KAZALD1: variants seen among roughly 807,000 people sequenced by gnomAD.
The protein encoded by KAZALD1 is Kazal type serine peptidase inhibitor domain 1.
In KAZALD1, 31 loss-of-function variants were observed where a neutral mutation model predicts 27.7. The observed-to-expected ratio is 1.12, with a 90% CI of 0.84 to 1.51. The LOEUF (loss-of-function observed/expected upper bound fraction) is 1.51, where lower values mean the gene tolerates loss of function less well. Ranked by LOEUF, KAZALD1 falls within the 40% of genes most tolerant of loss-of-function variation. The pLI is 0.00. For synonymous variants in KAZALD1, 179 were observed against 182.0 expected (o/e 0.98, Z 0.13); for missense variants, 444 against 408.9 (o/e 1.09, Z -0.74).
chr10:101,064,079 A>G, intron 2 of KAZALD1, 182 bp from the exon 3 acceptor site: 3 of 642,254 alleles, frequency 4.7e-6, no homozygotes, highest in Non-Finnish European at 5.4e-6. Flanking sequence ...CCTTGTGTGT[A>G]CCAGCATCCA....
Position 101,062,566 on chromosome 10 carries a change from G to C in KAZALD1, c.-27G>C, listed in dbSNP as rs764587510. ...GGGTGCCCGAACGCGCTGATGCCCC[G>C]AGTGCTCGCAGGGCTTCCCGCTAAC... On this transcript the variant is annotated 5_prime_UTR_variant, in exon 2 of 5. Coordinates refer to ENST00000370200, the MANE Select transcript of KAZALD1 (RefSeq NM_030929.5). 3 of 1,576,524 alleles carry C rather than the reference G, an allele frequency of 1.9e-6. No homozygotes were observed. The South Asian group carries it at 3.4e-5, about 18-fold the overall frequency.
chr10:101,063,443 C>G (rs1470068732), intron 2 of KAZALD1, among the ~76,000 whole-genome samples: 1 of 152,180 alleles, frequency 6.6e-6, no homozygotes, highest in Non-Finnish European at 1.5e-5. Context: ...CCGACTTTTC[C>G]CAGACCAGTG....
rs1939283318 is a variant in KAZALD1, at chr10:101,064,972, T to C, written c.*52T>C. The stretch of plus-strand genomic sequence containing the variant: ...GGTGAGCGGCTATAGTGTTCATCCC[T>C]GCTCTTGAAAAGACCTGGAAAGGGG... On this transcript the variant is annotated 3_prime_UTR_variant, in exon 5 of 5. Transcript: ENST00000370200. The C allele has an allele frequency of 1.5e-6, 2 of 1,342,870 alleles. No individual in the cohort carries two copies. The highest frequency in any genetic ancestry group is 2.1e-6 in the Non-Finnish European group (2 of 936,332). The allele number at this position is 1,342,870 out of a possible 1,614,324, so 83.2% of individuals were successfully genotyped here.
At chr10:101,067,528 C>T (rs1414246028), downstream of KAZALD1, 33 of 355,922 alleles carry the variant, frequency 9.3e-5, no homozygotes, top group Admixed American at 1.2e-3. Flanking sequence ...CCGGGCTGGG[C>T]GTACCTCTCT....
intron 1 of KAZALD1, 61 bp from the exon 2 acceptor site, chr10:101,062,481 G>A (rs1943070383): frequency 6.8e-7 from 1 of 1,464,808 alleles, no homozygotes; most frequent in South Asian, 1.3e-5. Flanking sequence ...GAAGCAGTGA[G>A]GTTGGTCTTT....
chr10:101,063,794 C>G (rs552559207), intron 2 of KAZALD1, among the ~76,000 whole-genome samples: 2 of 152,226 alleles, frequency 1.3e-5, no homozygotes, highest in African/African-American at 4.8e-5. Flanking sequence ...TCTGCCTTGC[C>G]GCAGGACTCC....
rs1939301023 is a variant in KAZALD1, at chr10:101,065,627, T to C, written c.*707T>C. 6.6e-6 allele frequency: 1 copy of C among 152,300 alleles called. No homozygotes were observed. The highest frequency in any genetic ancestry group is 1.5e-5 in the Non-Finnish European group (1 of 68,144). The allele number at this position is 152,300 out of a possible 1,614,324, so 9.4% of individuals were successfully genotyped here. ...CAGATGTGCACATGAAAACTGAATA[T>C]CCCTGGGAGGCCTCCCACACTAACA... On this transcript the variant is annotated 3_prime_UTR_variant, in exon 5 of 5. Coordinates refer to ENST00000370200, the MANE Select transcript of KAZALD1 (RefSeq NM_030929.5).
downstream of KAZALD1, chr10:101,067,755 G>T (rs1939362796): frequency 2.7e-6 from 1 of 364,244 alleles, no homozygotes. Flanking sequence ...GGGGGTCGAT[G>T]TGCGGACTGG....
Position 101,064,246 on chromosome 10 carries a change from C to T in KAZALD1, c.512-15C>T, listed in dbSNP as rs200681574. ...TGGGCCATGCTATTCTCAGACCTCCCGCCTTCACCCCCAGGGCCCCAGATC... is the reference window on the plus strand; with the variant it reads ...TGGGCCATGCTATTCTCAGACCTCCTGCCTTCACCCCCAGGGCCCCAGATC... On this transcript the variant is annotated splice_polypyrimidine_tract_variant and intron_variant, in intron 2 of 4. Transcript: ENST00000370200. 2.4e-5 allele frequency: 39 copies of T among 1,613,744 alleles called. No individual in the cohort carries two copies. Among genetic ancestry groups the T allele is most frequent in the African/African-American group, 8.0e-5 (6 of 74,916 alleles).
Position 101,062,784 on chromosome 10 carries a change from G to A in KAZALD1, c.192G>A (p.Pro64=), listed in dbSNP as rs1429090039. Reference sequence around the variant, plus strand: ...GCCGGCCAGAAGAGTGCGCCGCGCCGCGGGGCTGCCTGGCGGGCAGGGTGC... The same window carrying A: ...GCCGGCCAGAAGAGTGCGCCGCGCCACGGGGCTGCCTGGCGGGCAGGGTGC... The part of the protein sequence containing the change: ...APCRPEECAA[P]RGCLAGRVRD... The change falls in exon 2 of 5, where the codon CCG becomes CCA. Residue 64 remains proline (P), a synonymous_variant. Coordinates refer to ENST00000370200, the MANE Select transcript of KAZALD1 (RefSeq NM_030929.5). 1.3e-6 allele frequency: 2 copies of A among 1,559,034 alleles called. No individual in the cohort carries two copies. The highest frequency in any genetic ancestry group is 1.2e-5 in the South Asian group (1 of 85,502).
Position 101,064,962 on chromosome 10 carries a change from T to G in KAZALD1, c.*42T>G. 1 of 1,386,554 alleles carries G rather than the reference T, an allele frequency of 7.2e-7. No individual in the cohort carries two copies. Among genetic ancestry groups the G allele is most frequent in the Non-Finnish European group, 1.0e-6 (1 of 974,382 alleles). 85.9% of individuals were successfully genotyped at this position (1,386,554 alleles called of 1,614,324 possible). ...CATGGGGGTGGGTGAGCGGCTATAGTGTTCATCCCTGCTCTTGAAAAGACC... is the reference window on the plus strand; with the variant it reads ...CATGGGGGTGGGTGAGCGGCTATAGGGTTCATCCCTGCTCTTGAAAAGACC... On this transcript the variant is annotated 3_prime_UTR_variant, in exon 5 of 5. Transcript: ENST00000370200.
In KAZALD1 at chr10:101,064,541, T is replaced by A; in HGVS notation, c.713T>A (p.Leu238Gln). 1 of 1,614,188 alleles carries A rather than the reference T, an allele frequency of 6.2e-7. No individual in the cohort carries two copies. Among genetic ancestry groups the A allele is most frequent in the African/African-American group, 1.3e-5 (1 of 75,056 alleles). ...CAGAGGTTTGAGGTGACTGGCTGGC[T>A]GCAGATCCAGGCTGTGCGTCCCAGT... Reference protein sequence around the residue: ...GPQRFEVTGWLQIQAVRPSDE... With the variant: ...GPQRFEVTGWQQIQAVRPSDE... The change falls in exon 4 of 5, where the codon CTG becomes CAG. Residue 238 changes from leucine (L) to glutamine (Q), a missense_variant. Leu to Gln is a moderately radical substitution (Grantham distance 113, BLOSUM62 -2). Coordinates refer to ENST00000370200, the MANE Select transcript of KAZALD1 (RefSeq NM_030929.5).
chr10:101,062,867 T>C lies in KAZALD1; in HGVS notation c.275T>C (p.Leu92Pro). 2 of 1,601,512 alleles carry C rather than the reference T, an allele frequency of 1.2e-6. No individual in the cohort carries two copies. The highest frequency in any genetic ancestry group is 1.7e-6 in the Non-Finnish European group (2 of 1,178,954). Residue 92 changes from leucine to proline, a missense_variant, in exon 2 of 5, where the codon CTG (leucine) becomes CCG (proline). Coordinates refer to ENST00000370200, the MANE Select transcript of KAZALD1 (RefSeq NM_030929.5). ...AACCTCGAGGGCCAGCTCTGCGACC[T>C]GGACCCCAGTGCTCACTTCTACGGG... is the stretch of plus-strand genomic sequence containing the variant. ...CANLEGQLCD[L>P]DPSAHFYGHC...
intron 4 of KAZALD1, 62 bp from the exon 5 acceptor site, chr10:101,064,764 C>T: frequency 6.3e-7 from 1 of 1,599,070 alleles, no homozygotes; most frequent in South Asian, 1.1e-5. Flanking sequence ...GCAGACTGGG[C>T]TATGTGGGCA....
At position 101,066,578 on chromosome 10, in the gene KAZALD1, G is replaced by T. The variant is rs1180068550; in HGVS notation, c.*1658G>T. ...GCGGGGGTGGGGCGTGCTGTTCGGCGCTGTGGCCAAAATCCGCCCGGCGCT... is the reference window on the plus strand; with the variant it reads ...GCGGGGGTGGGGCGTGCTGTTCGGCTCTGTGGCCAAAATCCGCCCGGCGCT... On this transcript the variant is annotated 3_prime_UTR_variant, in exon 5 of 5. Coordinates refer to ENST00000370200, the MANE Select transcript of KAZALD1 (RefSeq NM_030929.5). The T allele has an allele frequency of 2.3e-6, 1 of 436,664 alleles. No individual in the cohort carries two copies. The highest frequency in any genetic ancestry group is 4.7e-6 in the Non-Finnish European group (1 of 212,784). The allele number at this position is 436,664 out of a possible 1,614,324, so 27.0% of individuals were successfully genotyped here.
chr10:101,066,923 C>T lies in KAZALD1; in HGVS notation c.*2003C>T. 4 of 316,340 alleles carry T rather than the reference C, an allele frequency of 1.3e-5. No homozygotes were observed. Among genetic ancestry groups the T allele is most frequent in the Non-Finnish European group, 1.9e-5 (3 of 161,578 alleles). The allele number at this position is 316,340 out of a possible 1,614,324, so 19.6% of individuals were successfully genotyped here. ...AATGGGAGAACTGTTGTCCACCGCCCCCTCCCTCCCCGCACCCCGCCTCTG... is the reference window on the plus strand; with the variant it reads ...AATGGGAGAACTGTTGTCCACCGCCTCCTCCCTCCCCGCACCCCGCCTCTG... On this transcript the variant is annotated 3_prime_UTR_variant, in exon 5 of 5. Transcript: ENST00000370200.
chr10:101,066,581 G>C lies in KAZALD1; in HGVS notation c.*1661G>C, dbSNP rs1214132546. On this transcript the variant is annotated 3_prime_UTR_variant, in exon 5 of 5. Transcript: ENST00000370200. ...GGGGTGGGGCGTGCTGTTCGGCGCTGTGGCCAAAATCCGCCCGGCGCTGAA... is the reference window on the plus strand; with the variant it reads ...GGGGTGGGGCGTGCTGTTCGGCGCTCTGGCCAAAATCCGCCCGGCGCTGAA... 2.3e-6 allele frequency: 1 copy of C among 435,556 alleles called. No individual in the cohort carries two copies. The highest frequency in any genetic ancestry group is 4.7e-6 in the Non-Finnish European group (1 of 212,238). The allele number at this position is 435,556 out of a possible 1,614,324, so 27.0% of individuals were successfully genotyped here.
In KAZALD1 at chr10:101,063,060, C is replaced by A. The variant is rs539835473; in HGVS notation, c.468C>A (p.Pro156=). Residue 156 remains proline, a synonymous_variant, in exon 2 of 5, where the codon CCC becomes CCA. Transcript: ENST00000370200. The part of the protein sequence containing the change: ...CRLQEAARAR[P]DANLTVAHPG... ...TGCAGGAGGCGGCCCGCGCTCGGCC[C>A]GATGCCAACCTCACTGTGGCACACC... The A allele has an allele frequency of 1.0e-4, 165 of 1,578,530 alleles. 2 individuals are homozygous for A. The South Asian group carries it at 1.8e-3, about 17-fold the overall frequency.
Position 101,064,393 on chromosome 10 carries a change from C to A in KAZALD1, c.644C>A (p.Pro215Gln). 6.2e-7 allele frequency: 1 copy of A among 1,614,210 alleles called. No homozygotes were observed. Among genetic ancestry groups the A allele is most frequent in the East Asian group, 2.2e-5 (1 of 44,888 alleles). Residue 215 changes from proline to glutamine, a missense_variant, in exon 3 of 5, where the codon CCA (proline) becomes CAA (glutamine). Physicochemically the swap from Pro to Gln is moderately conservative, Grantham distance 76. Coordinates refer to ENST00000370200, the MANE Select transcript of KAZALD1 (RefSeq NM_030929.5). ...AAGGATGGCTTGGACATCCAGCTGC[C>A]AGGGGATGACCCCCACATCTCTGTG... ...WRKDGLDIQL[P>Q]GDDPHISVQF...
Sources: allele counts gnomAD v4.1 joint callset (sites outside exome capture counted in the v4.1 genomes callset), GRCh38; gene constraint gnomAD v4.1.1; transcripts MANE v1.5; gene names NCBI Gene and HGNC (gene_info 2026-07-23, HGNC 2026-07-21).